The following GFI1B variants were observed in gnomAD, a reference collection of about 807,000 sequenced individuals.
GFI1B encodes zinc finger protein Gfi-1b.
GFI1B carries 20 observed loss-of-function variants against 35.3 expected under a neutral mutation model. That is an observed-to-expected ratio of 0.57 (90% confidence interval 0.40 to 0.82). GFI1B has a LOEUF of 0.82. Among genes scored for constraint, GFI1B ranks in the 40% least tolerant of loss-of-function variants. GFI1B has a pLI of 0.00. For missense variants in GFI1B, 430 were observed against 446.3 expected (o/e 0.96, Z 0.33); for synonymous variants, 178 against 177.6 (o/e 1.00, Z -0.02).
In GFI1B at chr9:132,989,934, CCCTGGGCAGAGCACCCCCA is replaced by C. The variant is rs746072908; in HGVS notation, c.814+31_814+49del. ...TGAGTGAGTCTCACCTGCCTGTGCCCCCTGGGCAGAGCACCCCCACCTTTCCCTGAGAGATGCATCAGAG... is the reference window on the plus strand; with the variant it reads ...TGAGTGAGTCTCACCTGCCTGTGCCCCCTTTCCCTGAGAGATGCATCAGAG... On this transcript the variant is annotated intron_variant, in intron 6 of 6. Transcript: ENST00000372122. This position sits in a 1 kb window ranked among gnomAD's most constrained non-coding sequence, Gnocchi z 6.2. 1.9e-5 allele frequency: 30 copies of C among 1,607,062 alleles called. No individual in the cohort carries two copies. The highest frequency in any genetic ancestry group is 2.5e-5 in the Non-Finnish European group (29 of 1,173,656).
At chr9:132,964,271 A>G (rs191234748) in intron 1 of GFI1B, among the ~76,000 whole-genome samples, 45 of 152,278 alleles carry the variant, frequency 3.0e-4, no homozygotes, top group African/African-American at 9.6e-4. Flanking sequence ...ATAAAAACCT[A>G]TAATGCTGAG....
intron 6 of GFI1B, 141 bp from the exon 7 acceptor site, chr9:132,990,731 T>G (rs1849264723): frequency 1.4e-6 from 1 of 723,810 alleles, no homozygotes; most frequent in Non-Finnish European, 2.4e-6. Context: ...CTAATTATTT[T>G]CTAAAGTGAA....
chr9:132,987,691 T>C (rs1588439101), intron 3 of GFI1B, among the ~76,000 whole-genome samples: 1 of 151,826 alleles, frequency 6.6e-6, no homozygotes, highest in Non-Finnish European at 1.5e-5. Flanking sequence ...GCTGGGGGTG[T>C]CTCTGGGCTG....
chr9:132,979,587 A>G (rs573994673), intron 1 of GFI1B, among the ~76,000 whole-genome samples: 2 of 152,192 alleles, frequency 1.3e-5, no homozygotes, highest in Admixed American at 1.3e-4. Context: ...TCCAGAGCCT[A>G]CTAAGGGGAG....
At chr9:132,952,672 C>T (rs1848219239) in intron 1 of GFI1B, 2 of 152,140 alleles carry the variant, frequency 1.3e-5, no homozygotes, top group Non-Finnish European at 2.9e-5. Context: ...TGGCTGGGAC[C>T]TCCAGTACTA....
chr9:132,982,979 A>T (rs901669501), intron 1 of GFI1B, among the ~76,000 whole-genome samples: 1 of 152,122 alleles, frequency 6.6e-6, no homozygotes, highest in Non-Finnish European at 1.5e-5. Context: ...GCCAGGGCTC[A>T]TGAGCGCTAG....
At chr9:132,950,300 CT>C (rs1848181563) in intron 1 of GFI1B, among the ~76,000 whole-genome samples, 2 of 152,062 alleles carry the variant, frequency 1.3e-5, no homozygotes, top group Admixed American at 6.6e-5. Context: ...ACCAGGAAGT[CT>C]TTTTAGGACC....
chr9:132,962,247 C>A (rs1213449903), intron 1 of GFI1B, among the ~76,000 whole-genome samples: 3 of 150,620 alleles, frequency 2.0e-5, no homozygotes, highest in Non-Finnish European at 4.4e-5. Context: ...AAGCAGTTCT[C>A]GTGGCTAAGC....
intron 1 of GFI1B, among the ~76,000 whole-genome samples, chr9:132,967,821 A>T (rs1848471522): frequency 1.3e-5 from 2 of 151,936 alleles, no homozygotes; most frequent in African/African-American, 4.8e-5. Context: ...TTGCTCTGTC[A>T]CCCAGGCTAG....
chr9:132,976,892 T>C (rs1425380917), upstream of GFI1B, among the ~76,000 whole-genome samples: 1 of 152,168 alleles, frequency 6.6e-6, no homozygotes, highest in Non-Finnish European at 1.5e-5. Flanking sequence ...CAGTGAGCTA[T>C]GATTGCAACA....
intron 1 of GFI1B, among the ~76,000 whole-genome samples, chr9:132,972,095 C>A (rs988416032): frequency 3.3e-5 from 5 of 151,544 alleles, no homozygotes; most frequent in Non-Finnish European, 7.4e-5. Flanking sequence ...GACAACAGAG[C>A]AAGACCCTGT....
chr9:132,976,359 A>G (rs1848632470), upstream of GFI1B: 1 of 152,242 alleles, frequency 6.6e-6, no homozygotes, highest in Admixed American at 6.5e-5. Flanking sequence ...AAGTGAGAAC[A>G]TGAGGAAACT....
At chr9:132,984,132 C>A (rs2773818) in intron 1 of GFI1B, among the ~76,000 whole-genome samples, 64,711 of 152,074 alleles carry the variant, frequency 0.43, 14,174 homozygotes, top group Non-Finnish European at 0.46. Context: ...AAAAAAGGAT[C>A]ATCTTTTGAT....
At chr9:132,947,412 C>CAAAAA (rs35035214) in intron 1 of GFI1B, among the ~76,000 whole-genome samples, 3 of 95,938 alleles carry the variant, frequency 3.1e-5, no homozygotes, top group African/African-American at 4.9e-5. Context: ...TTTAATCGAG[C>CAAAAA]AAAAAAAAAA....
chr9:132,986,226 C>G (rs1849053930), intron 1 of GFI1B, among the ~76,000 whole-genome samples: 1 of 152,168 alleles, frequency 6.6e-6, no homozygotes. Flanking sequence ...ATGCCCCTCT[C>G]TGAGTTCTGG....
intron 1 of GFI1B, among the ~76,000 whole-genome samples, chr9:132,946,392 C>G (rs755562615): frequency 6.6e-6 from 1 of 152,106 alleles, no homozygotes; most frequent in Non-Finnish European, 1.5e-5. Flanking sequence ...GGCACAGAGC[C>G]TACTCCAGTT....
In GFI1B at chr9:132,989,663, T is replaced by A. The variant is rs1488959563; in HGVS notation, c.649-79T>A. On this transcript the variant is annotated intron_variant, in intron 5 of 6. Coordinates refer to ENST00000372122, the MANE Select transcript of GFI1B (RefSeq NM_001377304.1). The surrounding 1 kb of genome is among the most constrained non-coding windows in gnomAD (Gnocchi z 6.2). Reference sequence around the variant, plus strand: ...TCCTCCAGGCCGCCCCAATGGAGTGTCCTGTTCCGCAGGGGATCCCGGCCG... The same window carrying A: ...TCCTCCAGGCCGCCCCAATGGAGTGACCTGTTCCGCAGGGGATCCCGGCCG... The A allele has an allele frequency of 1.7e-6, 2 of 1,194,442 alleles. No homozygotes were observed. The highest frequency in any genetic ancestry group is 2.5e-5 in the East Asian group (1 of 40,578). The allele number at this position is 1,194,442 out of a possible 1,614,324, so 74.0% of individuals were successfully genotyped here. A position where few individuals can be genotyped will look rare whatever the true frequency, so the allele number is the denominator to read the frequency against.
chr9:132,974,991 A>T (rs1848600046), upstream of GFI1B: 1 of 151,838 alleles, frequency 6.6e-6, no homozygotes, highest in Non-Finnish European at 1.5e-5. Context: ...TGTACTGGGC[A>T]CGGTGGCATG....
chr9:132,989,696 T>C lies in GFI1B; in HGVS notation c.649-46T>C. The C allele has an allele frequency of 1.9e-6, 3 of 1,558,300 alleles. No individual in the cohort carries two copies. The highest frequency in any genetic ancestry group is 2.6e-6 in the Non-Finnish European group (3 of 1,132,210). ...CGCAGGGGATCCCGGCCGGGTCCAG[T>C]CCTGAGCCTGCACCTGACCCCCCGG... On this transcript the variant is annotated intron_variant, in intron 5 of 6. Transcript: ENST00000372122. The surrounding 1 kb of genome is among the most constrained non-coding windows in gnomAD (Gnocchi z 6.2).
Sources: gnomAD v4.1 joint callset for allele counts (sites outside exome capture counted in the v4.1 genomes callset) on GRCh38, gnomAD v4.1.1 for gene constraint, Gnocchi (gnomAD v3.1) non-coding constraint, MANE v1.5 for transcripts, NCBI Gene and HGNC (gene_info 2026-07-23, HGNC 2026-07-21) for gene names.